Variants in KLHL14 observed in about 807,000 individuals in gnomAD.
KLHL14 encodes kelch like family member 14.
In KLHL14, 22 loss-of-function variants were observed where a neutral mutation model predicts 64.3. The ratio of observed to expected loss-of-function variants is 0.34; its 90% CI spans 0.24 to 0.49. KLHL14 has a LOEUF of 0.49. KLHL14 is among the 20% of genes least tolerant of loss of function. The probability of loss-of-function intolerance (pLI) is 0.99; values close to 1 mark genes in which losing one functional copy is unlikely to be tolerated. For synonymous variants in KLHL14, 322 were observed against 333.4 expected, an observed-to-expected ratio of 0.97 and a Z score of 0.37; for missense variants, 661 against 789.0, an observed-to-expected ratio of 0.84 and a Z score of 1.94.
At chr18:32,743,094 C>G in intron 2 of KLHL14, 1 of 152,180 alleles carries the variant, frequency 6.6e-6, no homozygotes, top group South Asian at 2.1e-4. Flanking sequence ...AGGCCCAGAC[C>G]CCTACAAAGG....
rs570127886 is a variant in KLHL14, at chr18:32,740,984, C to T, written c.1069+944G>A. On this transcript the variant is annotated intron_variant, in intron 3 of 8. Transcript: ENST00000359358. ...GGGCTTTCAGGAAGAGGGAAGGAAA[C>T]GATTTTTGAAAAATAAACATGGTAA... 5 of 152,174 alleles carry T rather than the reference C, an allele frequency of 3.3e-5. No individual in the cohort carries two copies. In the South Asian group the frequency reaches 8.3e-4, roughly 25 times the overall value. The allele number at this position is 152,174 out of a possible 1,614,324, so 9.4% of individuals were successfully genotyped here. A position where few individuals can be genotyped will look rare whatever the true frequency, so the allele number is the denominator to read the frequency against.
At chr18:32,717,611 C>A (rs977900837) in intron 3 of KLHL14, among the ~76,000 whole-genome samples, 3 of 152,190 alleles carry the variant, frequency 2.0e-5, no homozygotes, top group Non-Finnish European at 4.4e-5. Context: ...TCTATCTCTT[C>A]CCCCTTCCAG....
chr18:32,715,958 T>C (rs2050043286), intron 3 of KLHL14, among the ~76,000 whole-genome samples: 1 of 152,176 alleles, frequency 6.6e-6, no homozygotes, highest in Non-Finnish European at 1.5e-5. Flanking sequence ...TATAGGTGGA[T>C]CTTCAATTGG....
chr18:32,725,024 T>G (rs1442458112), intron 3 of KLHL14, among the ~76,000 whole-genome samples: 2 of 151,702 alleles, frequency 1.3e-5, no homozygotes, highest in East Asian at 3.9e-4. Flanking sequence ...CCTTCCCTTT[T>G]TTTTTTTAGA....
intron 3 of KLHL14, among the ~76,000 whole-genome samples, chr18:32,741,148 T>A (rs555045680): frequency 6.6e-6 from 1 of 152,352 alleles, no homozygotes; most frequent in South Asian, 2.1e-4. Context: ...TTTTGACAGT[T>A]AAAATTTAGT....
intron 3 of KLHL14, among the ~76,000 whole-genome samples, chr18:32,719,041 C>T (rs991454477): frequency 6.6e-6 from 1 of 152,168 alleles, no homozygotes; most frequent in African/African-American, 2.4e-5. Context: ...CTCTGCCTCC[C>T]GAGTTCAAGT....
intron 3 of KLHL14, among the ~76,000 whole-genome samples, chr18:32,736,203 A>C (rs1024016056): frequency 1.3e-5 from 2 of 152,180 alleles, no homozygotes; most frequent in African/African-American, 4.8e-5. Flanking sequence ...GCTTCCTTGA[A>C]ATACAGTATT....
chr18:32,716,795 C>T (rs1046277454), intron 3 of KLHL14, among the ~76,000 whole-genome samples: 3 of 152,110 alleles, frequency 2.0e-5, no homozygotes, highest in African/African-American at 7.2e-5. Flanking sequence ...GATTATTTTC[C>T]TTTTCATTGT....
chr18:32,745,782 A>G (rs889196968), intron 2 of KLHL14, among the ~76,000 whole-genome samples: 4 of 152,238 alleles, frequency 2.6e-5, no homozygotes, highest in African/African-American at 9.6e-5. Flanking sequence ...TTAATAATGA[A>G]TGCATATTGA....
In KLHL14 at chr18:32,770,221, T is replaced by C. The variant is rs748308906; in HGVS notation, c.371A>G (p.Asn124Ser). 3 of 1,608,266 alleles carry C rather than the reference T, an allele frequency of 1.9e-6. No individual in the cohort carries two copies. Among genetic ancestry groups the C allele is most frequent in the Admixed American group, 1.7e-5 (1 of 59,862 alleles). Residue 124 changes from asparagine to serine, a missense_variant, in exon 2 of 9, where the codon AAC becomes AGC. Around this residue, in one of 2 missense-constraint regions of KLHL14, gnomAD observed 331 missense variants for 339.0 expected, o/e 0.98. Coordinates refer to ENST00000359358, the MANE Select transcript of KLHL14 (RefSeq NM_020805.3). The surrounding 1 kb of genome is among the most constrained non-coding windows in gnomAD (Gnocchi z 6.7). ...KLLTSPRAIN[N>S]LVLQGCSSIG... ...GGACGAGCAGCCCTGCAGCACCAGG[T>C]TGTTGATGGCCCGGGGGCTGGTCAG... is the stretch of plus-strand genomic sequence containing the variant.
chr18:32,762,561 A>C (rs964152797), intron 2 of KLHL14, among the ~76,000 whole-genome samples: 1 of 152,054 alleles, frequency 6.6e-6, no homozygotes, highest in Non-Finnish European at 1.5e-5. Flanking sequence ...CTAGTGTTGC[A>C]AATAGTTCTA....
chr18:32,749,501 T>G lies in KLHL14; in HGVS notation c.948-7452A>C, dbSNP rs144091067. On this transcript the variant is annotated intron_variant, in intron 2 of 8. Coordinates refer to ENST00000359358, the MANE Select transcript of KLHL14 (RefSeq NM_020805.3). ...TAGGTGTAATAGCAAAATAAATGCC[T>G]TCTACTTGTAACCAAAGCCACTCTG... 4.1e-3 allele frequency among the ~76,000 whole-genome samples: 622 copies of G among 152,318 alleles called. 1 individual carries two copies. Among genetic ancestry groups the G allele is most frequent in the Non-Finnish European group, 6.9e-3 (468 of 68,028 alleles).
intron 3 of KLHL14, among the ~76,000 whole-genome samples, chr18:32,714,300 G>C (rs2050034227): frequency 6.6e-6 from 1 of 152,060 alleles, no homozygotes. Flanking sequence ...GAGTTTATAG[G>C]CTGGCGACCA....
chr18:32,761,904 A>C (rs537292348), intron 2 of KLHL14, among the ~76,000 whole-genome samples: 1 of 152,334 alleles, frequency 6.6e-6, no homozygotes, highest in African/African-American at 2.4e-5. Context: ...GCCTGCATTT[A>C]GAAAGCTGTC....
In KLHL14 at chr18:32,769,632, T is replaced by C; in HGVS notation, c.947+13A>G. 1.7e-6 allele frequency: 2 copies of C among 1,195,926 alleles called. No individual in the cohort carries two copies. The highest frequency in any genetic ancestry group is 2.2e-6 in the Non-Finnish European group (2 of 911,852). 74.1% of individuals were successfully genotyped at this position (1,195,926 alleles called of 1,614,324 possible). On this transcript the variant is annotated intron_variant, in intron 2 of 8. Transcript: ENST00000359358. ...CCCCCCCCTCCCCCGCCCTCCTCTTTGTTGTCTCCTACCTGCTGGCCAGGC... is the reference window on the plus strand; with the variant it reads ...CCCCCCCCTCCCCCGCCCTCCTCTTCGTTGTCTCCTACCTGCTGGCCAGGC...
intron 2 of KLHL14, among the ~76,000 whole-genome samples, chr18:32,758,992 G>C (rs774905598): frequency 1.3e-5 from 2 of 152,164 alleles, no homozygotes; most frequent in South Asian, 2.1e-4. Context: ...ATGGGTTTTT[G>C]GGGGAGGGAA....
At chr18:32,730,408 A>G (rs1356376758) in intron 3 of KLHL14, among the ~76,000 whole-genome samples, 1 of 152,166 alleles carries the variant, frequency 6.6e-6, no homozygotes, top group Non-Finnish European at 1.5e-5. Context: ...CAAAAATCTC[A>G]TGTACTCTGT....
At chr18:32,726,938 A>G (rs2050111029) in intron 3 of KLHL14, among the ~76,000 whole-genome samples, 1 of 152,184 alleles carries the variant, frequency 6.6e-6, no homozygotes. Context: ...GCATTGTTCC[A>G]TCCTCTCTTT....
At chr18:32,717,852 T>G (rs1458106633) in intron 3 of KLHL14, among the ~76,000 whole-genome samples, 1 of 152,218 alleles carries the variant, frequency 6.6e-6, no homozygotes, top group Non-Finnish European at 1.5e-5. Context: ...TATTTTGACT[T>G]GACATACTGA....
Sources: gnomAD v4.1 joint callset for allele counts (sites outside exome capture counted in the v4.1 genomes callset) on GRCh38, gnomAD v4.1.1 for gene constraint, gnomAD v4.1.1 regional missense constraint, Gnocchi (gnomAD v3.1) non-coding constraint, MANE v1.5 for transcripts, NCBI Gene and HGNC (gene_info 2026-07-23, HGNC 2026-07-21) for gene names.